The following LIPA variants were observed in gnomAD, a reference collection of about 807,000 sequenced individuals.
LIPA encodes lipase A, lysosomal acid type.
Under a neutral mutation model 40.6 loss-of-function variants are expected in LIPA, and 26 were observed. The observed-to-expected ratio is 0.64, with a 90% CI of 0.47 to 0.89. The LOEUF (loss-of-function observed/expected upper bound fraction) is 0.89. LIPA is among the 40% of genes least tolerant of loss of function. LIPA has a pLI of 0.00. For synonymous variants in LIPA, 188 were observed against 168.4 expected, an observed-to-expected ratio of 1.12 and a Z score of -0.90; for missense variants, 455 against 479.6, an observed-to-expected ratio of 0.95 and a Z score of 0.48.
chr10:89,293,296 T>C (rs1843386976), intron 1 of LIPA, among the ~76,000 whole-genome samples: 1 of 152,192 alleles, frequency 6.6e-6, no homozygotes, highest in Non-Finnish European at 1.5e-5. Context: ...TGTGATTCAG[T>C]TAAACCTCTT....
At chr10:89,267,785 A>G (rs1176953065) in intron 1 of LIPA, among the ~76,000 whole-genome samples, 1 of 151,598 alleles carries the variant, frequency 6.6e-6, no homozygotes, top group African/African-American at 2.4e-5. Flanking sequence ...TTACTCTACC[A>G]TCACTTTCTC....
chr10:89,241,505 A>G (rs1301406409), intron 3 of LIPA, among the ~76,000 whole-genome samples: 2 of 152,236 alleles, frequency 1.3e-5, no homozygotes, highest in South Asian at 2.1e-4. Context: ...GGATTTTTCT[A>G]TAAGGAAAGA....
intron 3 of LIPA, among the ~76,000 whole-genome samples, chr10:89,230,096 C>T (rs1321343796): frequency 6.6e-6 from 1 of 152,018 alleles, no homozygotes; most frequent in Non-Finnish European, 1.5e-5. Flanking sequence ...GCAGAAAAAA[C>T]AAAGATGTGG....
chr10:89,307,165 G>C (rs746957753), intron 1 of LIPA: 1 of 1,613,892 alleles, frequency 6.2e-7, no homozygotes, highest in African/African-American at 1.3e-5. Flanking sequence ...AAATAAACCA[G>C]AAATCAAGGG....
chr10:89,384,428 T>C (rs1844188907), intron 2 of LIPA: 1 of 1,614,212 alleles, frequency 6.2e-7, no homozygotes, highest in Non-Finnish European at 8.5e-7. Context: ...ATGAAGATCT[T>C]TGAAGATCAG....
At chr10:89,396,082 C>T (rs1176117264) in intron 2 of LIPA, among the ~76,000 whole-genome samples, 1 of 152,116 alleles carries the variant, frequency 6.6e-6, no homozygotes. Context: ...TTTTAAGTAT[C>T]TTAAGTATAT....
chr10:89,316,263 C>T (rs555366878), intron 1 of LIPA, among the ~76,000 whole-genome samples: 11 of 152,272 alleles, frequency 7.2e-5, no homozygotes, highest in East Asian at 3.9e-4. Context: ...CAAAGCAGGG[C>T]GGGGCATCGC....
At chr10:89,248,216 C>A (rs1843058450) in intron 1 of LIPA, among the ~76,000 whole-genome samples, 1 of 150,538 alleles carries the variant, frequency 6.6e-6, no homozygotes, top group African/African-American at 2.4e-5. Flanking sequence ...GGCTGGAGTG[C>A]AGTGGCACAA....
chr10:89,338,611 G>C (rs770326727), intron 1 of LIPA: 1 of 1,523,330 alleles, frequency 6.6e-7, no homozygotes, highest in Non-Finnish European at 8.9e-7. Context: ...ATCACAGGGT[G>C]CAGTGCTTGG....
chr10:89,358,037 G>GAA (rs201053047), intron 2 of LIPA, among the ~76,000 whole-genome samples: 1 of 150,696 alleles, frequency 6.6e-6, no homozygotes, highest in Non-Finnish European at 1.5e-5. Context: ...GGATAACTGA[G>GAA]AAAAAAAAAG....
At chr10:89,319,678 T>C (rs1462254207) in intron 1 of LIPA, among the ~76,000 whole-genome samples, 2 of 152,106 alleles carry the variant, frequency 1.3e-5, no homozygotes, top group East Asian at 1.9e-4. Flanking sequence ...TTCCAATCAA[T>C]AGAAAAAGAG....
At chr10:89,303,473 T>C (rs1843458860) in intron 1 of LIPA, among the ~76,000 whole-genome samples, 1 of 152,220 alleles carries the variant, frequency 6.6e-6, no homozygotes, top group African/African-American at 2.4e-5. Flanking sequence ...TGTATACAAC[T>C]GGAACTTCTA....
intron 2 of LIPA, among the ~76,000 whole-genome samples, chr10:89,377,886 A>G (rs1844133950): frequency 6.6e-6 from 1 of 152,180 alleles, no homozygotes; most frequent in African/African-American, 2.4e-5. Flanking sequence ...TGCTTCTCAC[A>G]CACCCATCCT....
At chr10:89,377,685 G>A (rs1319373278) in intron 2 of LIPA, among the ~76,000 whole-genome samples, 22 of 152,158 alleles carry the variant, frequency 1.4e-4, no homozygotes, top group Admixed American at 1.4e-3. Context: ...CATTGTAGAC[G>A]TCCCTGGAAC....
At chr10:89,396,397 G>C (rs1031381296) in intron 2 of LIPA, among the ~76,000 whole-genome samples, 1 of 152,194 alleles carries the variant, frequency 6.6e-6, no homozygotes, top group Non-Finnish European at 1.5e-5. Context: ...TCAGCTTCTG[G>C]TGAGGGCTTT....
intron 8 of LIPA, among the ~76,000 whole-genome samples, chr10:89,220,911 C>T (rs1318889489): frequency 6.6e-6 from 1 of 152,142 alleles, no homozygotes; most frequent in Admixed American, 6.5e-5. Flanking sequence ...TACTGACATA[C>T]ACAACATAGG....
Position 89,383,872 on chromosome 10 carries a change from C to T in LIPA, c.61+28919G>A, listed in dbSNP as rs767791005. 91 of 1,614,050 alleles carry T rather than the reference C, an allele frequency of 5.6e-5. No individual in the cohort carries two copies. Among genetic ancestry groups the T allele is most frequent in the Non-Finnish European group, 6.9e-5 (81 of 1,180,038 alleles). On this transcript the variant is annotated intron_variant, in intron 2 of 8. Coordinates refer to the LIPA transcript ENST00000371837. ...TACTGGGTACGCAATCACCGTCTAT[C>T]GCCTGGATAAATTTAACACAGCATC... is the stretch of plus-strand genomic sequence containing the variant.
intron 1 of LIPA, among the ~76,000 whole-genome samples, chr10:89,274,272 T>TTC (rs1419733523): frequency 2.6e-5 from 4 of 152,262 alleles, no homozygotes; most frequent in Non-Finnish European, 5.9e-5. Flanking sequence ...CTATTGTCTC[T>TTC]TTTAAAGAAC....
chr10:89,231,906 G>C (rs903495503), intron 3 of LIPA, among the ~76,000 whole-genome samples: 5 of 152,120 alleles, frequency 3.3e-5, no homozygotes, highest in East Asian at 3.9e-4. Flanking sequence ...TGCCTTCAAA[G>C]GTTCATTTTA....
Sources: gnomAD v4.1 joint callset for allele counts (sites outside exome capture counted in the v4.1 genomes callset) on GRCh38, gnomAD v4.1.1 for gene constraint, MANE v1.5 for transcripts, NCBI Gene and HGNC (gene_info 2026-07-23, HGNC 2026-07-21) for gene names.